The following C2orf81 variants were observed in gnomAD, a reference collection of about 807,000 sequenced individuals.
The protein encoded by C2orf81 is uncharacterized protein C2orf81.
C2orf81 carries 5 observed loss-of-function variants against 7.9 expected under a neutral mutation model. The ratio of observed to expected loss-of-function variants is 0.63; its 90% CI spans 0.33 to 1.33. C2orf81 has a LOEUF of 1.33. C2orf81 is among the 40% of genes most tolerant of loss of function. The pLI is 0.05. For missense variants in C2orf81, 781 were observed against 830.4 expected, an observed-to-expected ratio of 0.94 and a Z score of 0.73; for synonymous variants, 346 against 367.4, an observed-to-expected ratio of 0.94 and a Z score of 0.66.
In C2orf81 at chr2:74,415,669, C is replaced by T. The variant is rs751050317; in HGVS notation, c.508G>A (p.Ala170Thr). ...GATGTCGGAAAGGGGAGAGCAGGAG[C>T]AATGGCAGAGGAGTCCGGAGAGGCT... is the stretch of plus-strand genomic sequence containing the variant. ...SGASPDSSAI[A>T]PALPFPTSHC... Residue 170 changes from alanine to threonine, a missense_variant, in exon 3 of 3, where the codon GCT (alanine) becomes ACT (threonine). By Grantham distance (58) the Ala-to-Thr change is moderately conservative (BLOSUM62 0). Transcript: ENST00000684111. The surrounding 1 kb of genome is among the most constrained non-coding windows in gnomAD (Gnocchi z 5.5). 1 of 1,551,358 alleles carries T rather than the reference C, an allele frequency of 6.4e-7. No individual in the cohort carries two copies. Among genetic ancestry groups the T allele is most frequent in the Non-Finnish European group, 8.7e-7 (1 of 1,146,992 alleles).
chr2:74,415,149 C>G lies in C2orf81; in HGVS notation c.1028G>C (p.Arg343Pro). ...VSYPSVGGAT[R>P]PSASCQQQRA... ...CTGCTGCTGGCAGGACGCGGAGGGG[C>G]GGGTGGCGCCGCCCACAGAGGGGTA... The change falls in exon 3 of 3, where the codon CGC becomes CCC. Residue 343 changes from arginine to proline, a missense_variant. Coordinates refer to ENST00000684111, the MANE Select transcript of C2orf81 (RefSeq NM_001316764.3). This position sits in a 1 kb window ranked among gnomAD's most constrained non-coding sequence, Gnocchi z 5.5. 1 of 1,535,888 alleles carries G rather than the reference C, an allele frequency of 6.5e-7. No individual in the cohort carries two copies. Among genetic ancestry groups the G allele is most frequent in the Middle Eastern group, 1.7e-4 (1 of 5,938 alleles).
Position 74,415,384 on chromosome 2 carries a change from C to T in C2orf81, c.793G>A (p.Glu265Lys), listed in dbSNP as rs1168040115. The T allele has an allele frequency of 6.6e-7, 1 of 1,519,806 alleles. No homozygotes were observed. Among genetic ancestry groups the T allele is most frequent in the South Asian group, 1.2e-5 (1 of 80,746 alleles). The allele number at this position is 1,519,806 out of a possible 1,614,324, so 94.1% of individuals were successfully genotyped here. ...TCGGCATCGTCGGCAGGCGCCTCCTCCACCGACAGTTGGAAGCTCGCGCTC... is the reference window on the plus strand; with the variant it reads ...TCGGCATCGTCGGCAGGCGCCTCCTTCACCGACAGTTGGAAGCTCGCGCTC... The part of the protein sequence containing the change: ...SLSASFQLSV[E>K]EAPADDADPS... Residue 265 changes from glutamate to lysine, a missense_variant, in exon 3 of 3, where the codon GAG (glutamate) becomes AAG (lysine). Physicochemically the swap from Glu to Lys is moderately conservative, Grantham distance 56 (BLOSUM62 1). Transcript: ENST00000684111. The surrounding 1 kb of genome is among the most constrained non-coding windows in gnomAD (Gnocchi z 5.5).
Position 74,415,358 on chromosome 2 carries a change from G to T in C2orf81, c.819C>A (p.Asp273Glu). The T allele has an allele frequency of 6.6e-7, 1 of 1,513,028 alleles. No homozygotes were observed. Among genetic ancestry groups the T allele is most frequent in the Non-Finnish European group, 8.9e-7 (1 of 1,125,146 alleles). The allele number at this position is 1,513,028 out of a possible 1,614,324, so 93.7% of individuals were successfully genotyped here. A position where few individuals can be genotyped will look rare whatever the true frequency, so the allele number is the denominator to read the frequency against. ...SVEEAPADDA[D>E]PSLDPYLVAS... ...CTACCAGGTACGGATCCAGAGAAGGGTCGGCATCGTCGGCAGGCGCCTCCT... is the reference window on the plus strand; with the variant it reads ...CTACCAGGTACGGATCCAGAGAAGGTTCGGCATCGTCGGCAGGCGCCTCCT... The change falls in exon 3 of 3, where the codon GAC (aspartate) becomes GAA (glutamate). Residue 273 changes from aspartate to glutamate, a missense_variant. Asp to Glu is a conservative substitution (Grantham distance 45, BLOSUM62 2). Coordinates refer to ENST00000684111, the MANE Select transcript of C2orf81 (RefSeq NM_001316764.3). The surrounding 1 kb of genome is among the most constrained non-coding windows in gnomAD (Gnocchi z 5.5).
intron 1 of C2orf81, 115 bp downstream of exon 1, chr2:74,421,428 G>A (rs1676610498): frequency 3.8e-6 from 1 of 262,004 alleles, no homozygotes; most frequent in African/African-American, 2.2e-5. Context: ...ACTCCCGCGC[G>A]GTGGGCGGGA....
At chr2:74,416,565 C>CAAAAAAAAAAAAAAAAAAAA (rs59349435) in intron 1 of C2orf81, 2 of 52,198 alleles carry the variant, frequency 3.8e-5, no homozygotes, top group African/African-American at 5.3e-5. Context: ...GACTGCGTCT[C>CAAAAAAAAAAAAAAAAAAAA]AAAAAAAAAA....
chr2:74,418,383 G>T, intron 1 of C2orf81: 2 of 1,593,688 alleles, frequency 1.3e-6, no homozygotes, highest in Non-Finnish European at 1.7e-6. Context: ...GCTTCTCAGT[G>T]CCGTCCTTTT....
At position 74,415,487 on chromosome 2, in the gene C2orf81, C is replaced by T; in HGVS notation, c.690G>A (p.Leu230=). Residue 230 remains leucine, a synonymous_variant, in exon 3 of 3, where the codon CTG becomes CTA. Coordinates refer to ENST00000684111, the MANE Select transcript of C2orf81 (RefSeq NM_001316764.3). This position sits in a 1 kb window ranked among gnomAD's most constrained non-coding sequence, Gnocchi z 5.5. Reference sequence around the variant, plus strand: ...GACCTCCGGGCCCTGCCTCCTGAAACAGCTCTGATGTGGGAGGAGGGGCCG... The same window carrying T: ...GACCTCCGGGCCCTGCCTCCTGAAATAGCTCTGATGTGGGAGGAGGGGCCG... The part of the protein sequence containing the change: ...VTSAPPPTSE[L]FQEAGPGGPV... 2 of 1,539,606 alleles carry T rather than the reference C, an allele frequency of 1.3e-6. No individual in the cohort carries two copies. The highest frequency in any genetic ancestry group is 1.8e-6 in the Non-Finnish European group (2 of 1,137,916).
chr2:74,419,538 T>C (rs1453950299), intron 1 of C2orf81, among the ~76,000 whole-genome samples: 1 of 152,208 alleles, frequency 6.6e-6, no homozygotes, highest in African/African-American at 2.4e-5. Flanking sequence ...TGCAACAGTA[T>C]GCATGAAGAC....
rs1224596024 is a variant in C2orf81 at position 74,415,490 on chromosome 2, C to T, written c.687G>A (p.Glu229=). 4 of 1,542,832 alleles carry T rather than the reference C, an allele frequency of 2.6e-6. No homozygotes were observed. Among genetic ancestry groups the T allele is most frequent in the Non-Finnish European group, 3.5e-6 (4 of 1,140,456 alleles). The change falls in exon 3 of 3, where the codon GAG becomes GAA. Residue 229 remains glutamate, a synonymous_variant. Coordinates refer to ENST00000684111, the MANE Select transcript of C2orf81 (RefSeq NM_001316764.3). This position sits in a 1 kb window ranked among gnomAD's most constrained non-coding sequence, Gnocchi z 5.5. The stretch of plus-strand genomic sequence containing the variant: ...CTCCGGGCCCTGCCTCCTGAAACAG[C>T]TCTGATGTGGGAGGAGGGGCCGACG... ...RVTSAPPPTS[E]LFQEAGPGGP... is the part of the protein sequence containing the mutation.
Position 74,415,902 on chromosome 2 carries a change from G to T in C2orf81, c.275C>A (p.Ala92Asp). Reference protein sequence around the residue: ...QQCIPFTISQAREAMLQITEW... With the variant: ...QQCIPFTISQDREAMLQITEW... The stretch of plus-strand genomic sequence containing the variant: ...GGTGATCTGCAGCATGGCCTCCCGG[G>T]CCTGGCTGATGGTGAATGGAATGCA... Residue 92 changes from alanine to aspartate, a missense_variant, in exon 3 of 3, where the codon GCC becomes GAC. Ala to Asp is a moderately radical substitution (Grantham distance 126). Coordinates refer to ENST00000684111, the MANE Select transcript of C2orf81 (RefSeq NM_001316764.3). This position sits in a 1 kb window ranked among gnomAD's most constrained non-coding sequence, Gnocchi z 5.5. The T allele has an allele frequency of 1.3e-6, 2 of 1,549,410 alleles. No individual in the cohort carries two copies. The highest frequency in any genetic ancestry group is 1.2e-5 in the South Asian group (1 of 83,990).
chr2:74,414,764 T>C lies in C2orf81; in HGVS notation c.1413A>G (p.Pro471=). The stretch of plus-strand genomic sequence containing the variant: ...GGAAGCGGATCCTGGAGTTTGGGAG[T>C]GGCAGCTTTGACTCGAGGGATGGCG... ...LSSPSLESKL[P]LPNSRIRFLT... The change falls in exon 3 of 3, where the codon CCA becomes CCG. Residue 471 remains proline, a synonymous_variant. Transcript: ENST00000684111. This position sits in a 1 kb window ranked among gnomAD's most constrained non-coding sequence, Gnocchi z 5.3. 3 of 1,550,858 alleles carry C rather than the reference T, an allele frequency of 1.9e-6. No homozygotes were observed. The highest frequency in any genetic ancestry group is 1.7e-6 in the Non-Finnish European group (2 of 1,146,628).
chr2:74,418,214 T>C, intron 1 of C2orf81: 1 of 1,536,778 alleles, frequency 6.5e-7, no homozygotes. Flanking sequence ...CCCAGAGTTG[T>C]GGTGGTTTTC....
chr2:74,415,378 C>A lies in C2orf81; in HGVS notation c.799G>T (p.Ala267Ser), dbSNP rs1212597574. 2.6e-6 allele frequency: 4 copies of A among 1,517,532 alleles called. No individual in the cohort carries two copies. The East Asian group carries it at 9.9e-5, about 38-fold the overall frequency. The allele number at this position is 1,517,532 out of a possible 1,614,324, so 94.0% of individuals were successfully genotyped here. The change falls in exon 3 of 3, where the codon GCG becomes TCG. Residue 267 changes from alanine to serine, a missense_variant. Transcript: ENST00000684111. This position sits in a 1 kb window ranked among gnomAD's most constrained non-coding sequence, Gnocchi z 5.5. Reference sequence around the variant, plus strand: ...GAAGGGTCGGCATCGTCGGCAGGCGCCTCCTCCACCGACAGTTGGAAGCTC... The same window carrying A: ...GAAGGGTCGGCATCGTCGGCAGGCGACTCCTCCACCGACAGTTGGAAGCTC... ...SASFQLSVEE[A>S]PADDADPSLD...
In C2orf81 at chr2:74,418,320, C is replaced by G. The variant is rs72905466; in HGVS notation, c.19-2079G>C. 6,706 of 1,605,964 alleles carry G rather than the reference C, an allele frequency of 4.2e-3. 250 individuals are homozygous for G. The African/African-American group carries it at 0.08, about 19-fold the overall frequency. On this transcript the variant is annotated intron_variant, in intron 1 of 2. Transcript: ENST00000684111. The stretch of plus-strand genomic sequence containing the variant: ...CGCTGAGCTCCTTCTGACTCCCTAC[C>G]AGCGCTGTCCTGGGACTCACCGGAG...
chr2:74,416,757 A>T (rs1399523106), intron 1 of C2orf81, among the ~76,000 whole-genome samples: 1 of 152,184 alleles, frequency 6.6e-6, no homozygotes, highest in Non-Finnish European at 1.5e-5. Context: ...CTTGAGAAAG[A>T]CAATTCAGTA....
chr2:74,420,114 T>C (rs372425549), intron 1 of C2orf81, among the ~76,000 whole-genome samples: 32 of 152,212 alleles, frequency 2.1e-4, no homozygotes, highest in South Asian at 8.3e-4. Context: ...GTAACGTTAA[T>C]TGAAAGAAGC....
Position 74,416,181 on chromosome 2 carries a change from G to A in C2orf81, c.79C>T (p.Pro27Ser). Residue 27 changes from proline (P) to serine (S), a missense_variant, in exon 2 of 3, where the codon CCG becomes TCG. Pro to Ser is a moderately conservative substitution (Grantham distance 74). Transcript: ENST00000684111. ...ACCTGCGGCACTGGCACAGTGGGCG[G>A]CCGCACTTTTTCCGCCTTGGACCGG... ...VTRSKAEKVR[P>S]PTVPVPQVDI... 1 of 1,465,110 alleles carries A rather than the reference G, an allele frequency of 6.8e-7. No individual in the cohort carries two copies. 90.8% of individuals were successfully genotyped at this position (1,465,110 alleles called of 1,614,324 possible). A position where few individuals can be genotyped will look rare whatever the true frequency, so the allele number is the denominator to read the frequency against.
rs7590337 is a variant in C2orf81 at position 74,414,226 on chromosome 2, A to G, written c.*103T>C. 21,196 of 1,177,316 alleles carry G rather than the reference A, an allele frequency of 0.018. 2,591 individuals carry two copies. In the African/African-American group the frequency reaches 0.28, roughly 15 times the overall value. 72.9% of individuals were successfully genotyped at this position (1,177,316 alleles called of 1,614,324 possible). On this transcript the variant is annotated 3_prime_UTR_variant, in exon 3 of 3. Coordinates refer to ENST00000684111, the MANE Select transcript of C2orf81 (RefSeq NM_001316764.3). This position sits in a 1 kb window ranked among gnomAD's most constrained non-coding sequence, Gnocchi z 5.3. Reference sequence around the variant, plus strand: ...TTATTTCTGGCTAGCAGAGGGAGGGACCAGTTACTACTGCCAGAGGCTCAG... The same window carrying G: ...TTATTTCTGGCTAGCAGAGGGAGGGGCCAGTTACTACTGCCAGAGGCTCAG...
chr2:74,418,042 A>G (rs1676512602), intron 1 of C2orf81: 2 of 412,954 alleles, frequency 4.8e-6, no homozygotes, highest in African/African-American at 3.7e-5. Context: ...GGCGGTGGTG[A>G]TGGTGGGTGT....
Sources: allele counts gnomAD v4.1 joint callset (sites outside exome capture counted in the v4.1 genomes callset), GRCh38; gene constraint gnomAD v4.1.1; non-coding constraint Gnocchi (gnomAD v3.1); transcripts MANE v1.5; gene names NCBI Gene and HGNC (gene_info 2026-07-23, HGNC 2026-07-21).